PCDHGA1: variants seen among roughly 807,000 people sequenced by gnomAD.
PCDHGA1 encodes the protein protocadherin gamma subfamily A, 1, also known as protocadherin gamma-A1.
Under a neutral mutation model 58.0 loss-of-function variants are expected in PCDHGA1, and 32 were observed. The observed-to-expected ratio is 0.55, with a 90% CI of 0.42 to 0.74. The LOEUF is 0.74. Ranked by LOEUF, PCDHGA1 falls within the 30% of genes least tolerant of loss-of-function variation. PCDHGA1 has a pLI of 0.00. For synonymous variants in PCDHGA1, 498 were observed against 501.1 expected, an observed-to-expected ratio of 0.99 and a Z score of 0.08; for missense variants, 1,205 against 1,182.3, an observed-to-expected ratio of 1.02 and a Z score of -0.28.
At chr5:141,445,257 A>G (rs1253126709) in intron 1 of PCDHGA1, among the ~76,000 whole-genome samples, 3 of 152,152 alleles carry the variant, frequency 2.0e-5, no homozygotes, top group African/African-American at 2.4e-5. Context: ...GTGTGAGAAT[A>G]TAAGTCGAAA....
chr5:141,439,354 C>G (rs746525653), intron 1 of PCDHGA1, among the ~76,000 whole-genome samples: 7 of 152,186 alleles, frequency 4.6e-5, no homozygotes, highest in Admixed American at 4.6e-4. Context: ...TACAAATACT[C>G]AAACATCAAG....
intron 1 of PCDHGA1, among the ~76,000 whole-genome samples, chr5:141,348,877 G>C (rs533062795): frequency 6.6e-6 from 1 of 152,204 alleles, no homozygotes; most frequent in African/African-American, 2.4e-5. Context: ...TTGTTGAGTT[G>C]GATCTCATTT....
At position 141,382,695 on chromosome 5, in the gene PCDHGA1, G is replaced by A. The variant is rs76993444; in HGVS notation, c.2421+49590G>A. ...TTCACCAACCAGGGAAAAATGGTGCGAGAGATCCCACAGAAACCACCGAGT... is the reference window on the plus strand; with the variant it reads ...TTCACCAACCAGGGAAAAATGGTGCAAGAGATCCCACAGAAACCACCGAGT... On this transcript the variant is annotated intron_variant, in intron 1 of 3. Coordinates refer to ENST00000517417, the MANE Select transcript of PCDHGA1 (RefSeq NM_018912.3). 1.1e-3 allele frequency: 486 copies of A among 451,892 alleles called. 2 individuals carry two copies. The highest frequency in any genetic ancestry group is 9.0e-3 in the African/African-American group (451 of 50,190). The allele number at this position is 451,892 out of a possible 1,614,324, so 28.0% of individuals were successfully genotyped here.
chr5:141,332,178 G>A lies in PCDHGA1; in HGVS notation c.1494G>A (p.Gly498=). ...CCCTAATAGAGGACACTATCCAGGGGGCACCCCTATCTGCCTACCTCTCCA... is the reference window on the plus strand; with the variant it reads ...CCCTAATAGAGGACACTATCCAGGGAGCACCCCTATCTGCCTACCTCTCCA... ...TYSLIEDTIQ[G]APLSAYLSIN... is the part of the protein sequence containing the mutation. The change falls in exon 1 of 4, where the codon GGG becomes GGA. Residue 498 remains glycine, a synonymous_variant. Transcript: ENST00000517417. This position sits in a 1 kb window ranked among gnomAD's most constrained non-coding sequence, Gnocchi z 4.6. 1 of 1,614,142 alleles carries A rather than the reference G, an allele frequency of 6.2e-7. No individual in the cohort carries two copies. Among genetic ancestry groups the A allele is most frequent in the Non-Finnish European group, 8.5e-7 (1 of 1,180,022 alleles).
intron 1 of PCDHGA1, chr5:141,350,707 C>T: frequency 1.2e-6 from 2 of 1,613,992 alleles, no homozygotes; most frequent in Non-Finnish European, 1.7e-6. Flanking sequence ...GGGTAAAATT[C>T]TCTCTGGATT....
intron 1 of PCDHGA1, chr5:141,340,203 A>G (rs1484525882): frequency 1.2e-6 from 2 of 1,614,126 alleles, no homozygotes; most frequent in Non-Finnish European, 1.7e-6. Context: ...AGAGCCCTTG[A>G]CAGGGAACAG....
chr5:141,372,155 G>A (rs1257582169), intron 1 of PCDHGA1: 1 of 1,613,678 alleles, frequency 6.2e-7, no homozygotes, highest in Admixed American at 1.7e-5. Flanking sequence ...CTGGCTACCT[G>A]GTGACCAAGG....
chr5:141,420,308 T>C (rs1486910909), intron 1 of PCDHGA1: 3 of 1,457,838 alleles, frequency 2.1e-6, no homozygotes, highest in Non-Finnish European at 9.2e-7. Context: ...ATCCTTTTTA[T>C]ATTACAATAT....
At chr5:141,400,294 T>TTGCC (rs1347415154) in intron 1 of PCDHGA1, 1 of 1,614,070 alleles carries the variant, frequency 6.2e-7, no homozygotes, top group African/African-American at 1.3e-5. Context: ...CTGGAGCTGC[T>TTGCC]TCCAACCTGG....
intron 2 of PCDHGA1, 149 bp from the exon 3 acceptor site, chr5:141,505,244 T>C (rs886952348): frequency 7.0e-7 from 1 of 1,428,216 alleles, no homozygotes; most frequent in Non-Finnish European, 9.4e-7. Context: ...TGAAGGATTG[T>C]AGAAGTGCCT....
At chr5:141,398,675 A>C (rs1462726875) in intron 1 of PCDHGA1, 1 of 1,613,974 alleles carries the variant, frequency 6.2e-7, no homozygotes, top group Non-Finnish European at 8.5e-7. Flanking sequence ...TTAATAATTA[A>C]GGAGAAACAG....
chr5:141,400,299 A>C, intron 1 of PCDHGA1: 1 of 1,613,834 alleles, frequency 6.2e-7, no homozygotes, highest in South Asian at 1.1e-5. Context: ...GCTGCTTCCA[A>C]CCTGGTCTCT....
rs142628885 is a variant in PCDHGA1 at position 141,404,093 on chromosome 5, C to T, written c.2421+70988C>T. ...TGACCGAGACTCCGGGAAGAATGGT[C>T]AAGTTGTCTGTTCTATCCAGGAGAA... On this transcript the variant is annotated intron_variant, in intron 1 of 3. Coordinates refer to ENST00000517417, the MANE Select transcript of PCDHGA1 (RefSeq NM_018912.3). The T allele has an allele frequency of 9.4e-5, 152 of 1,613,326 alleles. 2 individuals carry two copies. In the East Asian group the frequency reaches 3.4e-3, roughly 36 times the overall value.
At chr5:141,499,330 C>T (rs1040336371) in intron 2 of PCDHGA1, among the ~76,000 whole-genome samples, 1 of 152,170 alleles carries the variant, frequency 6.6e-6, no homozygotes, top group African/African-American at 2.4e-5. Flanking sequence ...CCTGCTCTCT[C>T]TCAGTTTGGG....
intron 1 of PCDHGA1, among the ~76,000 whole-genome samples, chr5:141,381,834 T>TTCTTC (rs1561589417): frequency 7.1e-6 from 1 of 140,214 alleles, no homozygotes; most frequent in African/African-American, 2.7e-5. Flanking sequence ...TTCTTTTTTT[T>TTCTTC]TTTTTTTTTT....
chr5:141,375,952 G>C (rs1032808913), intron 1 of PCDHGA1: 7 of 1,613,514 alleles, frequency 4.3e-6, no homozygotes, highest in South Asian at 1.1e-5. Flanking sequence ...GCCTGCACAC[G>C]GGCGAGGTGC....
intron 2 of PCDHGA1, among the ~76,000 whole-genome samples, chr5:141,498,747 C>T (rs1363145286): frequency 6.6e-6 from 1 of 152,106 alleles, no homozygotes; most frequent in Non-Finnish European, 1.5e-5. Context: ...GCCTGGCCAA[C>T]ATGATGAAAC....
chr5:141,349,984 C>G (rs769244141), intron 1 of PCDHGA1: 6 of 306,550 alleles, frequency 2.0e-5, no homozygotes, highest in African/African-American at 1.3e-4. Context: ...CAAGAGGTTG[C>G]GCTTTGAGGA....
chr5:141,388,826 CAT>C, intron 1 of PCDHGA1: 1 of 1,613,864 alleles, frequency 6.2e-7, no homozygotes, highest in Non-Finnish European at 8.5e-7. Flanking sequence ...AAGAATATTC[CAT>C]AGTTTTGGAA....
Sources: gnomAD v4.1 joint callset for allele counts (sites outside exome capture counted in the v4.1 genomes callset) on GRCh38, gnomAD v4.1.1 for gene constraint, Gnocchi (gnomAD v3.1) non-coding constraint, MANE v1.5 for transcripts, NCBI Gene and HGNC (gene_info 2026-07-23, HGNC 2026-07-21) for gene names.